STYXL1: variants seen among roughly 807,000 people sequenced by gnomAD.
STYXL1 encodes serine/threonine/tyrosine-interacting-like protein 1.
A neutral mutation model predicts 36.4 loss-of-function variants in STYXL1; 32 were observed. That is an observed-to-expected ratio of 0.88 (90% CI 0.66 to 1.18). The LOEUF (loss-of-function observed/expected upper bound fraction) is 1.18, where lower values mean the gene tolerates loss of function less well. STYXL1 is among the 50% of genes most tolerant of loss of function. STYXL1 has a pLI of 0.00. For synonymous variants in STYXL1, 133 were observed against 144.1 expected (o/e 0.92, Z 0.55); for missense variants, 354 against 394.1 (o/e 0.90, Z 0.86).
chr7:76,004,295 T>C (rs2116783409), intron 6 of STYXL1, among the ~76,000 whole-genome samples: 1 of 152,238 alleles, frequency 6.6e-6, no homozygotes, highest in African/African-American at 2.4e-5. Flanking sequence ...GGTTTCACCA[T>C]TTTGGCCAGG....
chr7:76,030,320 C>T (rs1209482095), intron 2 of STYXL1, 101 bp downstream of exon 2: 3 of 844,546 alleles, frequency 3.6e-6, no homozygotes, highest in African/African-American at 3.4e-5. Flanking sequence ...GTTCTAAAGT[C>T]ATTCACTGCC....
intron 3 of STYXL1, among the ~76,000 whole-genome samples, chr7:76,022,385 T>G (rs1324871000): frequency 6.6e-6 from 1 of 151,876 alleles, no homozygotes; most frequent in Non-Finnish European, 1.5e-5. Context: ...CCAGACTGGA[T>G]GCAGTGGTTT....
chr7:76,028,891 G>A (rs983136172), intron 2 of STYXL1, among the ~76,000 whole-genome samples, 188 bp from the exon 3 acceptor site: 19 of 152,060 alleles, frequency 1.2e-4, no homozygotes, highest in African/African-American at 4.1e-4. Flanking sequence ...TTGGAAGGCC[G>A]AGGCAGGTGG....
intron 1 of STYXL1, among the ~76,000 whole-genome samples, chr7:76,046,574 T>A (rs1797113117): frequency 6.6e-6 from 1 of 151,394 alleles, no homozygotes; most frequent in African/African-American, 2.4e-5. Context: ...CTCAAACTCC[T>A]GACCTCAGGT....
intron 3 of STYXL1, among the ~76,000 whole-genome samples, chr7:76,027,946 A>T (rs1794902940): frequency 6.6e-6 from 1 of 152,142 alleles, no homozygotes; most frequent in Admixed American, 6.6e-5. Flanking sequence ...TCTATAAAAA[A>T]TACAAAAATT....
intron 1 of STYXL1, among the ~76,000 whole-genome samples, chr7:76,042,084 ATGTG>A: frequency 6.6e-6 from 1 of 152,294 alleles, no homozygotes; most frequent in East Asian, 1.9e-4. Context: ...GCATGTACGC[ATGTG>A]TGTGAGTCTG....
chr7:76,047,826 C>G lies in STYXL1; in HGVS notation c.-169G>C. ...TGGGGCCCCACCTGGAAAAATGGCT[C>G]CTCTAAGGCGCTTCCAGCCTAAAGC... On this transcript the variant is annotated 5_prime_UTR_variant, in exon 1 of 9. Coordinates refer to ENST00000359697, the MANE Select transcript of STYXL1 (RefSeq NM_001317785.2). 1 of 1,069,978 alleles carries G rather than the reference C, an allele frequency of 9.3e-7. No homozygotes were observed. The allele number at this position is 1,069,978 out of a possible 1,614,324, so 66.3% of individuals were successfully genotyped here. A position where few individuals can be genotyped will look rare whatever the true frequency, so the allele number is the denominator to read the frequency against.
chr7:76,006,329 C>G (rs1434210443), intron 5 of STYXL1, among the ~76,000 whole-genome samples: 1 of 152,146 alleles, frequency 6.6e-6, no homozygotes, highest in Non-Finnish European at 1.5e-5. Context: ...CCTCCTGCCT[C>G]AGCCTCCCAA....
At chr7:76,007,896 C>CAAA (rs34975812) in intron 5 of STYXL1, among the ~76,000 whole-genome samples, 4 of 107,092 alleles carry the variant, frequency 3.7e-5, no homozygotes, top group Admixed American at 1.0e-4. Flanking sequence ...GCCTGTCTCT[C>CAAA]AAAAAAAAAA....
intron 5 of STYXL1, among the ~76,000 whole-genome samples, chr7:76,005,878 G>GGAA (rs551739271): frequency 1.9e-4 from 21 of 112,006 alleles, no homozygotes; most frequent in African/African-American, 2.7e-4. Flanking sequence ...AGAGAGAGGA[G>GGAA]GAGAGAGGAG....
chr7:76,042,390 CTTTTTTTTTTTTTTTTTTT>C (rs528469396), intron 1 of STYXL1, among the ~76,000 whole-genome samples: 2 of 41,816 alleles, frequency 4.8e-5, no homozygotes, highest in African/African-American at 6.3e-5. Flanking sequence ...CCCTTATGTG[CTTTTTTTTTTTTTTTTTTT>C]TTTTTTTTTT....
intron 4 of STYXL1, among the ~76,000 whole-genome samples, chr7:76,020,911 C>A (rs1036377871): frequency 3.9e-5 from 6 of 152,078 alleles, no homozygotes; most frequent in Admixed American, 6.6e-5. Flanking sequence ...GAACTGTCCC[C>A]ATAAACTTTG....
rs371763616 is a variant in STYXL1, at chr7:76,047,954, G to A, written c.-297C>T. ...TACGCTAGAACCCAGCCAAACACCG[G>A]GGTTGCCAGGATGGTCCCACAGCTT... On this transcript the variant is annotated 5_prime_UTR_variant, in exon 1 of 9. Coordinates refer to ENST00000359697, the MANE Select transcript of STYXL1 (RefSeq NM_001317785.2). The A allele has an allele frequency of 2.4e-4, 350 of 1,456,146 alleles. 2 individuals are homozygous for A. In the African/African-American group the frequency reaches 3.6e-3, roughly 15 times the overall value. The allele number at this position is 1,456,146 out of a possible 1,614,324, so 90.2% of individuals were successfully genotyped here. A position where few individuals can be genotyped will look rare whatever the true frequency, so the allele number is the denominator to read the frequency against.
rs782239277 is a variant in STYXL1 at position 75,996,382 on chromosome 7, G to A, written c.*86C>T. 18 of 1,611,448 alleles carry A rather than the reference G, an allele frequency of 1.1e-5. No homozygotes were observed. The highest frequency in any genetic ancestry group is 1.4e-5 in the Non-Finnish European group (17 of 1,179,012). ...GCAAAGGCCTTCTCCTTCCAGACAAGCCTGGGTATACACACTCTGGCCCTC... is the reference window on the plus strand; with the variant it reads ...GCAAAGGCCTTCTCCTTCCAGACAAACCTGGGTATACACACTCTGGCCCTC... On this transcript the variant is annotated 3_prime_UTR_variant, in exon 9 of 9. Coordinates refer to ENST00000359697, the MANE Select transcript of STYXL1 (RefSeq NM_001317785.2).
Position 76,013,732 on chromosome 7 carries a change from T to G in STYXL1, c.453+10A>C, listed in dbSNP as rs781930504. The G allele has an allele frequency of 8.7e-6, 14 of 1,613,710 alleles. No individual in the cohort carries two copies. The East Asian group carries it at 3.1e-4, about 36-fold the overall frequency. On this transcript the variant is annotated intron_variant, in intron 5 of 8. Transcript: ENST00000359697. Reference sequence around the variant, plus strand: ...GTCTGGGCCTGCCTGTGCTCAGCATTTGGCCCTACCTGAGGCATCCAGATG... The same window carrying G: ...GTCTGGGCCTGCCTGTGCTCAGCATGTGGCCCTACCTGAGGCATCCAGATG...
chr7:76,023,680 T>C (rs1162070385), intron 3 of STYXL1, among the ~76,000 whole-genome samples: 3 of 152,088 alleles, frequency 2.0e-5, no homozygotes, highest in East Asian at 2.0e-4. Flanking sequence ...TGAGCTATGA[T>C]TGCATCACTG....
At chr7:76,015,433 G>A (rs536583278) in intron 4 of STYXL1, among the ~76,000 whole-genome samples, 22 of 152,300 alleles carry the variant, frequency 1.4e-4, no homozygotes, top group African/African-American at 4.3e-4. Flanking sequence ...AGAAAATCTA[G>A]GGAATACCCT....
At chr7:76,031,058 G>A (rs1194508950) in intron 1 of STYXL1, among the ~76,000 whole-genome samples, 1 of 151,736 alleles carries the variant, frequency 6.6e-6, no homozygotes, top group Non-Finnish European at 1.5e-5. Flanking sequence ...CTACTCAGGG[G>A]GCTGAGGTAG....
chr7:76,046,086 C>A (rs1247800058), intron 1 of STYXL1: 1 of 152,142 alleles, frequency 6.6e-6, no homozygotes. Flanking sequence ...CTTATTTTTT[C>A]CCGCTAGGAT....
Sources: allele counts gnomAD v4.1 joint callset (sites outside exome capture counted in the v4.1 genomes callset), GRCh38; gene constraint gnomAD v4.1.1; transcripts MANE v1.5; gene names NCBI Gene and HGNC (gene_info 2026-07-23, HGNC 2026-07-21).